ATG4C: variants seen among roughly 807,000 people sequenced by gnomAD.
ATG4C encodes autophagy related 4C cysteine peptidase, also known as cysteine protease ATG4C.
ATG4C carries 56 observed loss-of-function variants against 57.6 expected under a neutral mutation model. The ratio of observed to expected loss-of-function variants is 0.97; its 90% confidence interval spans 0.78 to 1.21. The LOEUF (loss-of-function observed/expected upper bound fraction) is 1.21. ATG4C is among the 50% of genes most tolerant of loss of function. ATG4C has a pLI of 0.00. For missense variants in ATG4C, 595 were observed against 529.8 expected (o/e 1.12, Z -1.21); for synonymous variants, 157 against 174.1 (o/e 0.90, Z 0.78).
At chr1:62,845,077 CTT>C (rs1666288032) in intron 10 of ATG4C, among the ~76,000 whole-genome samples, 1 of 151,734 alleles carries the variant, frequency 6.6e-6, no homozygotes, top group Non-Finnish European at 1.5e-5. Context: ...GTACATATCT[CTT>C]TGTGCATATA....
At chr1:62,804,830 C>T (rs1253542032) in intron 2 of ATG4C, among the ~76,000 whole-genome samples, 1 of 152,096 alleles carries the variant, frequency 6.6e-6, no homozygotes, top group Non-Finnish European at 1.5e-5. Flanking sequence ...ACACAATTGG[C>T]AGTTTAAATT....
intron 3 of ATG4C, among the ~76,000 whole-genome samples, chr1:62,814,802 C>T (rs557047427): frequency 6.0e-4 from 92 of 152,302 alleles, no homozygotes; most frequent in African/African-American, 1.9e-3. Flanking sequence ...GTGGCTCTCA[C>T]GCCTATAATC....
intron 1 of ATG4C, among the ~76,000 whole-genome samples, chr1:62,787,760 T>C (rs1664139675): frequency 6.6e-6 from 1 of 151,964 alleles, no homozygotes; most frequent in African/African-American, 2.4e-5. Context: ...ATAATAATAG[T>C]GCCAGCCTTA....
chr1:62,790,012 T>C (rs893224031), intron 1 of ATG4C, among the ~76,000 whole-genome samples: 1 of 151,558 alleles, frequency 6.6e-6, no homozygotes, highest in Non-Finnish European at 1.5e-5. Context: ...CCTCCTGGGT[T>C]CAAGCGATTC....
At chr1:62,832,454 A>G (rs2100335498) in intron 7 of ATG4C, among the ~76,000 whole-genome samples, 1 of 152,316 alleles carries the variant, frequency 6.6e-6, no homozygotes, top group South Asian at 2.1e-4. Context: ...CACATGGTGG[A>G]AGACAGAAGG....
chr1:62,835,184 T>TC (rs2100338603), intron 9 of ATG4C, among the ~76,000 whole-genome samples: 1 of 135,582 alleles, frequency 7.4e-6, no homozygotes, highest in African/African-American at 2.7e-5. Context: ...AAGGCCTGTT[T>TC]AAAAAAAAAA....
intron 3 of ATG4C, among the ~76,000 whole-genome samples, chr1:62,807,981 G>A (rs1361372642): frequency 6.6e-6 from 1 of 152,238 alleles, no homozygotes; most frequent in Non-Finnish European, 1.5e-5. Context: ...CATGATTGAA[G>A]TATAGGATTC....
chr1:62,863,832 T>C (rs1200946949), intron 10 of ATG4C, among the ~76,000 whole-genome samples, 160 bp from the exon 11 acceptor site: 1 of 152,036 alleles, frequency 6.6e-6, no homozygotes, highest in African/African-American at 2.4e-5. Context: ...GCTAATCATT[T>C]TTTGTCTTTT....
Position 62,827,497 on chromosome 1 carries a change from G to GT in ATG4C, c.797-1537dup, listed in dbSNP as rs560979097. Among the ~76,000 whole-genome samples the GT allele has an allele frequency of 2.2e-4, 34 of 152,080 alleles. No individual in the cohort carries two copies. The East Asian group carries it at 6.6e-3, about 29-fold the overall frequency. ...ATTTCCTGTTCACTCTTCTCTCTTT[G>GT]TTTTTTCAAAGCATGCATCACCATC... is the stretch of plus-strand genomic sequence containing the variant. On this transcript the variant is annotated intron_variant, in intron 6 of 10. Coordinates refer to ENST00000317868, the MANE Select transcript of ATG4C (RefSeq NM_032852.4).
At chr1:62,795,210 G>A (rs894918903) in intron 1 of ATG4C, among the ~76,000 whole-genome samples, 1 of 152,164 alleles carries the variant, frequency 6.6e-6, no homozygotes, top group African/African-American at 2.4e-5. Flanking sequence ...AATCCTCAGT[G>A]GATAAAGTAG....
At chr1:62,821,312 C>A in intron 6 of ATG4C, 103 bp downstream of exon 6, 1 of 645,364 alleles carries the variant, frequency 1.5e-6, no homozygotes, top group Non-Finnish European at 2.4e-6. Flanking sequence ...AAGGTAGGGA[C>A]CATGTCTTAT....
In ATG4C at chr1:62,864,385, A is replaced by G; in HGVS notation, c.*226A>G. ...ATTGAGTGATTCTGGTTGCATTCCT[A>G]TTTCCCTAAGATCTACTAGTGATAA... On this transcript the variant is annotated 3_prime_UTR_variant, in exon 11 of 11. Transcript: ENST00000317868. 2.7e-6 allele frequency: 1 copy of G among 373,760 alleles called. No individual in the cohort carries two copies. The highest frequency in any genetic ancestry group is 4.8e-6 in the Non-Finnish European group (1 of 207,528). The allele number at this position is 373,760 out of a possible 1,614,324, so 23.2% of individuals were successfully genotyped here. A position where few individuals can be genotyped will look rare whatever the true frequency, so the allele number is the denominator to read the frequency against.
chr1:62,854,788 TG>T (rs1449025132), intron 10 of ATG4C, among the ~76,000 whole-genome samples: 5 of 152,136 alleles, frequency 3.3e-5, no homozygotes, highest in Non-Finnish European at 1.5e-5. Flanking sequence ...TGTTAGTAAG[TG>T]GTGGTCTTTT....
At chr1:62,804,887 A>C (rs1927484) in intron 2 of ATG4C, among the ~76,000 whole-genome samples, 28,056 of 152,148 alleles carry the variant, frequency 0.18, 2,939 homozygotes, top group African/African-American at 0.27. Flanking sequence ...CCGTTATGAG[A>C]TATCTGAAAA....
intron 3 of ATG4C, among the ~76,000 whole-genome samples, chr1:62,814,959 G>A (rs986957579): frequency 6.6e-6 from 1 of 152,128 alleles, no homozygotes; most frequent in Non-Finnish European, 1.5e-5. Context: ...CAGCTACTCA[G>A]GAGGCTGAGG....
chr1:62,859,548 G>A (rs1332778946), intron 10 of ATG4C, among the ~76,000 whole-genome samples: 1 of 151,990 alleles, frequency 6.6e-6, no homozygotes, highest in Admixed American at 6.6e-5. Flanking sequence ...GTTGCTCTGG[G>A]TGAATTAGTG....
At chr1:62,843,788 TG>T (rs1166340422) in intron 10 of ATG4C, among the ~76,000 whole-genome samples, 2 of 152,114 alleles carry the variant, frequency 1.3e-5, no homozygotes, top group Admixed American at 1.3e-4. Flanking sequence ...TTGAACAAGG[TG>T]TAAAACTTCC....
At chr1:62,818,313 A>G (rs1027592106) in intron 4 of ATG4C, among the ~76,000 whole-genome samples, 5 of 152,174 alleles carry the variant, frequency 3.3e-5, no homozygotes, top group African/African-American at 1.2e-4. Flanking sequence ...TTTAACATAT[A>G]ATCAAAACAT....
intron 3 of ATG4C, among the ~76,000 whole-genome samples, chr1:62,807,405 C>T (rs926735193): frequency 3.3e-5 from 5 of 152,122 alleles, no homozygotes; most frequent in Admixed American, 1.3e-4. Context: ...ATCTTTTGTT[C>T]TAATGAGGTG....
Sources: allele counts gnomAD v4.1 joint callset (sites outside exome capture counted in the v4.1 genomes callset), GRCh38; gene constraint gnomAD v4.1.1; transcripts MANE v1.5; gene names NCBI Gene and HGNC (gene_info 2026-07-23, HGNC 2026-07-21).